Variants in CSMD1 observed in about 807,000 individuals in gnomAD.
CSMD1 encodes CUB and Sushi multiple domains 1, also known as CUB and sushi domain-containing protein 1.
CSMD1 carries 213 observed loss-of-function variants against 417.5 expected under a neutral mutation model. The observed-to-expected ratio is 0.51, with a 90% CI of 0.46 to 0.57. The LOEUF is 0.57. Among genes scored for constraint, CSMD1 ranks in the 20% least tolerant of loss-of-function variants. The probability of loss-of-function intolerance (pLI) is 0.00; values close to 1 mark genes in which losing one functional copy is unlikely to be tolerated. For synonymous variants in CSMD1, 2,862 were observed against 1,736.8 expected (o/e 1.65, Z -16.11); for missense variants, 6,923 against 4,529.7 (o/e 1.53, Z -15.17).
chr8:4,195,721 C>G (rs1308653794), intron 3 of CSMD1, among the ~76,000 whole-genome samples: 1 of 152,156 alleles, frequency 6.6e-6, no homozygotes, highest in East Asian at 1.9e-4. Context: ...AAATGGCCCC[C>G]AGACAGCAAA....
intron 10 of CSMD1, among the ~76,000 whole-genome samples, chr8:3,545,917 G>T (rs1447912813): frequency 6.6e-6 from 1 of 152,168 alleles, no homozygotes; most frequent in East Asian, 1.9e-4. Flanking sequence ...AATGCATAGT[G>T]GGGAATGCTA....
At chr8:4,157,983 T>C (rs11998609) in intron 3 of CSMD1, among the ~76,000 whole-genome samples, 5,457 of 152,210 alleles carry the variant, frequency 0.036, 350 homozygotes, top group African/African-American at 0.12. Context: ...TGGCCAACTG[T>C]TGCTAGGACC....
intron 26 of CSMD1, among the ~76,000 whole-genome samples, chr8:3,279,886 C>T (rs1292484261): frequency 6.6e-6 from 1 of 152,196 alleles, no homozygotes; most frequent in Non-Finnish European, 1.5e-5. Flanking sequence ...ACCACCTCCA[C>T]CTGGTCCCAC....
At chr8:4,003,261 CG>C (rs1263636395) in intron 4 of CSMD1, among the ~76,000 whole-genome samples, 1 of 151,948 alleles carries the variant, frequency 6.6e-6, no homozygotes, top group Non-Finnish European at 1.5e-5. Flanking sequence ...GGTGTGGTGA[CG>C]GGCACTTGTA....
At chr8:4,222,479 A>C (rs1420410426) in intron 3 of CSMD1, among the ~76,000 whole-genome samples, 2 of 152,180 alleles carry the variant, frequency 1.3e-5, no homozygotes, top group Non-Finnish European at 2.9e-5. Context: ...TGTTCTCAGT[A>C]AGTCAGTCAA....
intron 5 of CSMD1, among the ~76,000 whole-genome samples, chr8:3,795,119 T>C (rs79989328): frequency 2.4e-4 from 18 of 74,014 alleles, no homozygotes; most frequent in African/African-American, 4.3e-4. Flanking sequence ...GCTATAGATA[T>C]CTATCATGTA....
chr8:4,747,720 G>T (rs1443237133), intron 1 of CSMD1, among the ~76,000 whole-genome samples: 1 of 152,096 alleles, frequency 6.6e-6, no homozygotes, highest in Non-Finnish European at 1.5e-5. Context: ...GTCTCTAGAT[G>T]AATGAGATGC....
chr8:4,813,501 G>A (rs1799024022), intron 1 of CSMD1, among the ~76,000 whole-genome samples: 1 of 152,114 alleles, frequency 6.6e-6, no homozygotes, highest in Non-Finnish European at 1.5e-5. Flanking sequence ...TGTCTGATTT[G>A]CTTTTTATCC....
intron 2 of CSMD1, among the ~76,000 whole-genome samples, chr8:4,440,728 G>T (rs1023127674): frequency 6.6e-6 from 1 of 152,098 alleles, no homozygotes; most frequent in South Asian, 2.1e-4. Context: ...GGGTGTGGTG[G>T]TTCATGCCTA....
At chr8:4,251,696 C>T (rs1004993820) in intron 3 of CSMD1, among the ~76,000 whole-genome samples, 1 of 152,006 alleles carries the variant, frequency 6.6e-6, no homozygotes, top group Non-Finnish European at 1.5e-5. Context: ...AGACCTTGGA[C>T]AGTTAAATGT....
chr8:4,487,961 G>A (rs946448026), intron 2 of CSMD1, among the ~76,000 whole-genome samples: 44 of 152,148 alleles, frequency 2.9e-4, no homozygotes, highest in African/African-American at 9.9e-4. Flanking sequence ...GCGTCCCTCC[G>A]AAATGTATAT....
intron 1 of CSMD1, among the ~76,000 whole-genome samples, chr8:4,901,617 A>C (rs1468138881): frequency 6.6e-6 from 1 of 152,180 alleles, no homozygotes; most frequent in Non-Finnish European, 1.5e-5. Flanking sequence ...CTTTGTCCCC[A>C]TACTTCATTT....
intron 1 of CSMD1, among the ~76,000 whole-genome samples, chr8:4,897,761 G>T (rs1804600028): frequency 6.6e-6 from 1 of 152,050 alleles, no homozygotes. Context: ...ACTGCATTAT[G>T]TTATTTTAAG....
At chr8:3,858,964 T>C (rs1427548770) in intron 5 of CSMD1, among the ~76,000 whole-genome samples, 1 of 152,216 alleles carries the variant, frequency 6.6e-6, no homozygotes, top group Non-Finnish European at 1.5e-5. Context: ...AGAATTAAAG[T>C]ATAACGACAT....
At chr8:3,687,180 C>T (rs543952773) in intron 7 of CSMD1, among the ~76,000 whole-genome samples, 2 of 152,358 alleles carry the variant, frequency 1.3e-5, no homozygotes, top group African/African-American at 4.8e-5. Context: ...CTCCGTGCAG[C>T]TCATAGGAAG....
At chr8:3,292,749 G>A (rs1462868930) in intron 25 of CSMD1, among the ~76,000 whole-genome samples, 1 of 152,104 alleles carries the variant, frequency 6.6e-6, no homozygotes, top group East Asian at 1.9e-4. Context: ...TTCCTGAATA[G>A]AGCACACTGA....
intron 4 of CSMD1, among the ~76,000 whole-genome samples, chr8:4,023,558 A>C (rs956996969): frequency 1.5e-4 from 22 of 151,596 alleles, no homozygotes; most frequent in African/African-American, 5.1e-4. Flanking sequence ...CACTTACCAA[A>C]ATATGAATGC....
chr8:3,978,611 T>C (rs1257510900), intron 5 of CSMD1, among the ~76,000 whole-genome samples: 4 of 152,042 alleles, frequency 2.6e-5, no homozygotes, highest in African/African-American at 4.8e-5. Context: ...GGGTAAATAA[T>C]TGGAAGGAAA....
chr8:3,806,729 G>A (rs776766979), intron 5 of CSMD1, among the ~76,000 whole-genome samples: 57 of 152,204 alleles, frequency 3.7e-4, no homozygotes, highest in Non-Finnish European at 5.9e-4. Context: ...TTTTAGGTAT[G>A]GAAAAACAAA....
Sources: gnomAD v4.1 joint callset for allele counts (sites outside exome capture counted in the v4.1 genomes callset) on GRCh38, gnomAD v4.1.1 for gene constraint, MANE v1.5 for transcripts, NCBI Gene and HGNC (gene_info 2026-07-23, HGNC 2026-07-21) for gene names.